The following DHRSX variants were observed in gnomAD, a reference collection of about 807,000 sequenced individuals.
The protein encoded by DHRSX is polyprenol dehydrogenase.
A neutral mutation model predicts 34.0 loss-of-function variants in DHRSX; 31 were observed. The ratio of observed to expected loss-of-function variants is 0.91; its 90% CI spans 0.69 to 1.23. The LOEUF (loss-of-function observed/expected upper bound fraction) is 1.23, where lower values mean the gene tolerates loss of function less well. Ranked by LOEUF, DHRSX falls within the 50% of genes most tolerant of loss-of-function variation. The probability of loss-of-function intolerance (pLI) is 0.00; values close to 1 mark genes in which losing one functional copy is unlikely to be tolerated. For synonymous variants in DHRSX, 201 were observed against 183.8 expected, an observed-to-expected ratio of 1.09 and a Z score of -0.76; for missense variants, 414 against 428.1, an observed-to-expected ratio of 0.97 and a Z score of 0.29.
chrX:2,314,276 G>C (rs867911824), intron 3 of DHRSX, among the ~76,000 whole-genome samples: 3 of 51,826 alleles, frequency 5.8e-5, no homozygotes, highest in African/African-American at 8.5e-5. Context: ...AGGAGGGAAT[G>C]AGGGAGGGAA....
chrX:2,304,405 G>A (rs1333958904), intron 3 of DHRSX, among the ~76,000 whole-genome samples: 2 of 152,058 alleles, frequency 1.3e-5, no homozygotes, highest in South Asian at 4.2e-4. Flanking sequence ...ATATGGTTTG[G>A]ATCTGTGTCC....
chrX:2,435,092 T>TA (rs2043976416), intron 1 of DHRSX, among the ~76,000 whole-genome samples: 1 of 127,534 alleles, frequency 7.8e-6, no homozygotes, highest in Non-Finnish European at 1.7e-5. Context: ...TGCAGGTTGG[T>TA]ACAGAAATAG....
chrX:2,441,201 C>G (rs1258969259), intron 1 of DHRSX, among the ~76,000 whole-genome samples: 1 of 152,114 alleles, frequency 6.6e-6, no homozygotes, highest in Non-Finnish European at 1.5e-5. Flanking sequence ...ATCCAAGGAG[C>G]AGAATTCAAA....
intron 3 of DHRSX, among the ~76,000 whole-genome samples, chrX:2,294,121 AG>A (rs2041901123): frequency 6.6e-6 from 1 of 152,010 alleles, no homozygotes; most frequent in African/African-American, 2.4e-5. Flanking sequence ...AAGGAGGGGG[AG>A]GAAAAGGGGA....
intron 5 of DHRSX, among the ~76,000 whole-genome samples, chrX:2,254,836 G>GGGTTCAGTGC (rs2041254397): frequency 6.6e-6 from 1 of 151,758 alleles, no homozygotes; most frequent in East Asian, 1.9e-4. Context: ...TAGCACAGTG[G>GGGTTCAGTGC]GGTTTCACCA....
intron 3 of DHRSX, among the ~76,000 whole-genome samples, chrX:2,311,022 T>C (rs1224943091): frequency 6.8e-6 from 1 of 146,436 alleles, no homozygotes; most frequent in Non-Finnish European, 1.5e-5. Context: ...GATCACTCCA[T>C]TGCACCCCAG....
chrX:2,317,256 C>CCTTTTTTTTT (rs2042251425), intron 3 of DHRSX, among the ~76,000 whole-genome samples: 1 of 87,440 alleles, frequency 1.1e-5, no homozygotes, highest in African/African-American at 5.5e-5. Context: ...CCGCGCCTGG[C>CCTTTTTTTTT]TTTTTTTTTT....
At chrX:2,389,911 G>C (rs555748204) in intron 3 of DHRSX, among the ~76,000 whole-genome samples, 1 of 152,074 alleles carries the variant, frequency 6.6e-6, no homozygotes, top group Non-Finnish European at 1.5e-5. Context: ...CTCCCGAGGA[G>C]CTGGGATTAC....
At chrX:2,392,477 T>G (rs2043346248) in intron 3 of DHRSX, 1 of 288,786 alleles carries the variant, frequency 3.5e-6, no homozygotes, top group South Asian at 3.3e-5. Context: ...TCACGTCTCT[T>G]AAAAAATAAA....
At chrX:2,347,680 ACT>A (rs1461284498) in intron 3 of DHRSX, among the ~76,000 whole-genome samples, 10 of 152,042 alleles carry the variant, frequency 6.6e-5, no homozygotes, top group African/African-American at 9.7e-5. Flanking sequence ...AGTGAGCGAG[ACT>A]CTGTCTCTAA....
intron 3 of DHRSX, among the ~76,000 whole-genome samples, chrX:2,370,889 G>C (rs1456484622): frequency 1.3e-5 from 2 of 152,132 alleles, no homozygotes; most frequent in Non-Finnish European, 2.9e-5. Context: ...CAGCCACAGG[G>C]TTTGGCAGCT....
chrX:2,390,382 C>T (rs913970969), intron 3 of DHRSX, among the ~76,000 whole-genome samples: 1 of 151,870 alleles, frequency 6.6e-6, no homozygotes, highest in Non-Finnish European at 1.5e-5. Flanking sequence ...AGGTGATCCA[C>T]CCGCCTCGGC....
chrX:2,430,131 C>T (rs949783544), intron 1 of DHRSX, among the ~76,000 whole-genome samples: 2 of 151,420 alleles, frequency 1.3e-5, no homozygotes, highest in African/African-American at 4.9e-5. Context: ...AAGATGCCCT[C>T]GGGTCTCGGT....
intron 1 of DHRSX, among the ~76,000 whole-genome samples, chrX:2,498,201 G>T (rs937110358): frequency 2.0e-5 from 3 of 152,090 alleles, no homozygotes; most frequent in Admixed American, 2.0e-4. Flanking sequence ...TCCTTTGTAC[G>T]ATACCTAAGA....
intron 2 of DHRSX, among the ~76,000 whole-genome samples, chrX:2,411,883 G>C (rs2043635058): frequency 6.6e-6 from 1 of 152,186 alleles, no homozygotes; most frequent in Non-Finnish European, 1.5e-5. Flanking sequence ...GTGATTATTT[G>C]GGAAGACCAC....
intron 1 of DHRSX, among the ~76,000 whole-genome samples, chrX:2,497,582 T>C (rs1360134900): frequency 6.6e-6 from 1 of 152,184 alleles, no homozygotes; most frequent in Non-Finnish European, 1.5e-5. Flanking sequence ...TTTTTGTAAA[T>C]ACTCACTCCT....
chrX:2,429,436 C>G (rs145067385), intron 1 of DHRSX, among the ~76,000 whole-genome samples: 1,861 of 128,092 alleles, frequency 0.015, 51 homozygotes, highest in African/African-American at 0.058. Flanking sequence ...AGTATCCATC[C>G]TGTTCTCTGT....
At chrX:2,285,202 TA>T (rs2041790688) in intron 4 of DHRSX, among the ~76,000 whole-genome samples, 4 of 152,180 alleles carry the variant, frequency 2.6e-5, no homozygotes, top group African/African-American at 9.7e-5. Flanking sequence ...GTATTATTAT[TA>T]CATTGTACTA....
intron 3 of DHRSX, among the ~76,000 whole-genome samples, chrX:2,331,452 T>G (rs867867900): frequency 0.11 from 14,475 of 136,426 alleles, 2,377 homozygotes; most frequent in African/African-American, 0.35. Flanking sequence ...TTTTTTTTTT[T>G]TTTTTTTTTT....
Sources: gnomAD v4.1 joint callset for allele counts (sites outside exome capture counted in the v4.1 genomes callset) on GRCh38, gnomAD v4.1.1 for gene constraint, MANE v1.5 for transcripts, NCBI Gene and HGNC (gene_info 2026-07-23, HGNC 2026-07-21) for gene names.